Variants in FRA10AC1 observed in about 807,000 individuals in gnomAD.
The protein encoded by FRA10AC1 is protein FRA10AC1.
In FRA10AC1, 43 loss-of-function variants were observed where a neutral mutation model predicts 56.5. That is an observed-to-expected ratio of 0.76 (90% CI 0.60 to 0.98). FRA10AC1 has a LOEUF of 0.98. FRA10AC1 is among the 50% of genes least tolerant of loss of function. The pLI is 0.00. For missense variants in FRA10AC1, 346 were observed against 351.8 expected (o/e 0.98, Z 0.13); for synonymous variants, 112 against 110.5 (o/e 1.01, Z -0.09).
intron 10 of FRA10AC1, among the ~76,000 whole-genome samples, chr10:93,682,786 C>T (rs2058958881): frequency 1.3e-5 from 2 of 152,056 alleles, no homozygotes; most frequent in South Asian, 4.1e-4. Flanking sequence ...GCCTAGGCAA[C>T]AGAGTGAGAC....
At chr10:93,682,236 A>G (rs2133910220) in intron 10 of FRA10AC1, among the ~76,000 whole-genome samples, 2 of 152,338 alleles carry the variant, frequency 1.3e-5, no homozygotes, top group South Asian at 4.1e-4. Flanking sequence ...TAAATGGGAA[A>G]AAGTGATAAT....
chr10:93,692,216 A>G, intron 6 of FRA10AC1, 123 bp from the exon 7 acceptor site: 1 of 661,092 alleles, frequency 1.5e-6, no homozygotes, highest in Non-Finnish European at 2.3e-6. Context: ...TATTACTTAC[A>G]TGTGCATGGA....
intron 12 of FRA10AC1, chr10:93,673,870 T>C (rs2058803939): frequency 5.5e-6 from 2 of 365,204 alleles, no homozygotes; most frequent in Admixed American, 3.4e-5. Context: ...TGTGGATCTG[T>C]ACAATGCATA....
In FRA10AC1 at chr10:93,698,186, T is replaced by C; in HGVS notation, c.174-5A>G. On this transcript the variant is annotated splice_region_variant and splice_polypyrimidine_tract_variant and intron_variant, in intron 3 of 13. Coordinates refer to ENST00000359204, the MANE Select transcript of FRA10AC1 (RefSeq NM_145246.5). ...CTTCTATTTCTTGCTTCTTCCCTGT[T>C]AAAACAAATTTTTTTAAGAAAATTC... is the stretch of plus-strand genomic sequence containing the variant. 2.5e-6 allele frequency: 4 copies of C among 1,577,568 alleles called. No individual in the cohort carries two copies. Among genetic ancestry groups the C allele is most frequent in the Non-Finnish European group, 3.5e-6 (4 of 1,155,630 alleles).
intron 2 of FRA10AC1, 28 bp from the exon 3 acceptor site, chr10:93,698,424 T>G: frequency 7.9e-7 from 1 of 1,272,134 alleles, no homozygotes; most frequent in Non-Finnish European, 1.1e-6. Context: ...AAATAAGAGT[T>G]CACTTTTTTC....
chr10:93,681,391 T>C, intron 11 of FRA10AC1, 89 bp downstream of exon 11: 1 of 835,218 alleles, frequency 1.2e-6, no homozygotes, highest in East Asian at 2.9e-5. Context: ...AAATTCTCAA[T>C]GCATTCACCA....
intron 11 of FRA10AC1, among the ~76,000 whole-genome samples, chr10:93,678,766 T>C (rs950057144): frequency 1.1e-4 from 16 of 151,392 alleles, no homozygotes; most frequent in Admixed American, 9.9e-4. Flanking sequence ...CCTCCGAGGT[T>C]AAGCCTGCTG....
rs773047436 is a variant in FRA10AC1 at position 93,685,288 on chromosome 10, A to G, written c.583T>C (p.Tyr195His). 32 of 1,586,736 alleles carry G rather than the reference A, an allele frequency of 2.0e-5. No individual in the cohort carries two copies. Among genetic ancestry groups the G allele is most frequent in the Non-Finnish European group, 2.7e-5 (31 of 1,157,354 alleles). Residue 195 changes from tyrosine (Y) to histidine (H), a missense_variant, in exon 9 of 14, where the codon TAT (tyrosine) becomes CAT (histidine). Physicochemically the swap from Tyr to His is moderately conservative, Grantham distance 83. Transcript: ENST00000359204. ...GLKSWEVNFG[Y>H]IEHGEKRNAL... ...TTTCTCTTCTCACCATGCTCAATATAACCAAAATTAACTTCCCAACTCTTT... is the reference window on the plus strand; with the variant it reads ...TTTCTCTTCTCACCATGCTCAATATGACCAAAATTAACTTCCCAACTCTTT...
chr10:93,690,243 C>CA (rs932334019), intron 7 of FRA10AC1, among the ~76,000 whole-genome samples: 7 of 151,956 alleles, frequency 4.6e-5, no homozygotes, highest in African/African-American at 1.2e-4. Flanking sequence ...CTTCCCCCCA[C>CA]AAAAAAAATC....
At chr10:93,685,509 T>G in intron 8 of FRA10AC1, 150 bp from the exon 9 acceptor site, 1 of 503,498 alleles carries the variant, frequency 2.0e-6, no homozygotes, top group Non-Finnish European at 3.5e-6. Flanking sequence ...TTCAACCAAC[T>G]TGTATACAAG....
chr10:93,700,038 C>G lies in FRA10AC1; in HGVS notation c.69G>C (p.Arg23Ser). ...AAAAAAAAATTACTTACCTTTTTTT[C>G]CTTTTGCTGGATTCTCCACAGCGTT... Reference protein sequence around the residue: ...DDERCGESSKRKKRTVEDDLL... With the variant: ...DDERCGESSKSKKRTVEDDLL... The change falls in exon 2 of 14, where the codon AGG (arginine) becomes AGC (serine). Residue 23 changes from arginine (R) to serine (S), a missense_variant. Transcript: ENST00000359204. The G allele has an allele frequency of 6.4e-7, 1 of 1,558,264 alleles. No homozygotes were observed. The highest frequency in any genetic ancestry group is 1.4e-5 in the African/African-American group (1 of 73,396).
chr10:93,679,839 G>A (rs773440650), intron 11 of FRA10AC1, among the ~76,000 whole-genome samples: 13 of 152,178 alleles, frequency 8.5e-5, no homozygotes, highest in Non-Finnish European at 1.5e-4. Context: ...TTGTAGTAGG[G>A]TGGAGAGAAC....
intron 10 of FRA10AC1, among the ~76,000 whole-genome samples, chr10:93,682,607 C>A (rs569684581): frequency 6.6e-6 from 1 of 152,178 alleles, no homozygotes; most frequent in South Asian, 2.1e-4. Context: ...TTGAGACCAG[C>A]CTGGGCAACA....
chr10:93,691,856 AG>A lies in FRA10AC1; in HGVS notation c.465+152del, dbSNP rs1589725097. On this transcript the variant is annotated intron_variant, in intron 7 of 13. Transcript: ENST00000359204. ...CCTTTTGTAAACTCCACAGCTGCAG[AG>A]GTTAAATGGTCCAAATGACACATCA... 22 of 729,110 alleles carry A rather than the reference AG, an allele frequency of 3.0e-5. No homozygotes were observed. In the East Asian group the frequency reaches 8.8e-4, roughly 29 times the overall value. The allele number at this position is 729,110 out of a possible 1,614,324, so 45.2% of individuals were successfully genotyped here.
chr10:93,696,500 T>C (rs571351234), intron 4 of FRA10AC1, among the ~76,000 whole-genome samples: 1 of 152,216 alleles, frequency 6.6e-6, no homozygotes, highest in African/African-American at 2.4e-5. Flanking sequence ...TTTTACACTG[T>C]TGGTGGGAAT....
At position 93,684,169 on chromosome 10, in the gene FRA10AC1, A is replaced by C. The variant is rs921882713; in HGVS notation, c.626-71T>G. The C allele has an allele frequency of 3.6e-5, 40 of 1,113,430 alleles. No individual in the cohort carries two copies. The African/African-American group carries it at 5.0e-4, about 14-fold the overall frequency. 69.0% of individuals were successfully genotyped at this position (1,113,430 alleles called of 1,614,324 possible). A position where few individuals can be genotyped will look rare whatever the true frequency, so the allele number is the denominator to read the frequency against. On this transcript the variant is annotated intron_variant, in intron 9 of 13. Transcript: ENST00000359204. ...ACTGCTAATCTACTTTTAATATCAT[A>C]AATTCGCACTTTCTTTATATTCCAT... is the stretch of plus-strand genomic sequence containing the variant.
At chr10:93,683,089 A>G (rs1308228944) in intron 10 of FRA10AC1, among the ~76,000 whole-genome samples, 2 of 152,242 alleles carry the variant, frequency 1.3e-5, no homozygotes, top group Non-Finnish European at 2.9e-5. Flanking sequence ...CAGTGTGAAC[A>G]TCTTTAATGC....
chr10:93,695,562 C>T (rs1476346528), intron 4 of FRA10AC1, among the ~76,000 whole-genome samples: 2 of 152,046 alleles, frequency 1.3e-5, no homozygotes, highest in African/African-American at 2.4e-5. Context: ...AAAAGCTCAA[C>T]AGCACTCTCT....
At chr10:93,689,208 C>T (rs2059083053) in intron 7 of FRA10AC1, among the ~76,000 whole-genome samples, 1 of 151,980 alleles carries the variant, frequency 6.6e-6, no homozygotes, top group South Asian at 2.1e-4. Flanking sequence ...TATCCTCCCA[C>T]CTCAGCCTCC....
Sources: allele counts gnomAD v4.1 joint callset (sites outside exome capture counted in the v4.1 genomes callset), GRCh38; gene constraint gnomAD v4.1.1; transcripts MANE v1.5; gene names NCBI Gene and HGNC (gene_info 2026-07-23, HGNC 2026-07-21).